DAP: variants seen among roughly 807,000 people sequenced by gnomAD.
DAP encodes the protein death-associated protein 1.
Under a neutral mutation model 13.8 loss-of-function variants are expected in DAP, and 8 were observed. The ratio of observed to expected loss-of-function variants is 0.58; its 90% CI spans 0.34 to 1.05. The LOEUF (loss-of-function observed/expected upper bound fraction) is 1.05, where lower values mean the gene tolerates loss of function less well. Among genes scored for constraint, DAP ranks in the 50% least tolerant of loss-of-function variants. DAP has a pLI of 0.03. For missense variants in DAP, 106 were observed against 133.2 expected (o/e 0.80, Z 1.01); for synonymous variants, 47 against 47.5 (o/e 0.99, Z 0.04).
Position 10,761,177 on chromosome 5 carries a change from A to C in DAP, c.-109T>G, listed in dbSNP as rs938495726. ...CGCCGGGGAGCGAGCGGGCGGGAGA[A>C]CGACGCGCGCGCGTGGGGCGCCGGG... On this transcript the variant is annotated 5_prime_UTR_variant, in exon 1 of 4. Coordinates refer to ENST00000230895, the MANE Select transcript of DAP (RefSeq NM_004394.3). The C allele has an allele frequency of 5.5e-6, 3 of 545,078 alleles. No individual in the cohort carries two copies. Among genetic ancestry groups the C allele is most frequent in the South Asian group, 8.2e-5 (1 of 12,132 alleles). 33.8% of individuals were successfully genotyped at this position (545,078 alleles called of 1,614,324 possible). A position where few individuals can be genotyped will look rare whatever the true frequency, so the allele number is the denominator to read the frequency against.
In DAP at chr5:10,679,520, C is replaced by T. The variant is rs1737927392; in HGVS notation, c.*1536G>A. 1.3e-5 allele frequency: 2 copies of T among 152,422 alleles called. No individual in the cohort carries two copies. Among genetic ancestry groups the T allele is most frequent in the Non-Finnish European group, 2.9e-5 (2 of 68,152 alleles). The allele number at this position is 152,422 out of a possible 1,614,324, so 9.4% of individuals were successfully genotyped here. On this transcript the variant is annotated 3_prime_UTR_variant, in exon 4 of 4. Transcript: ENST00000230895. ...GCGGCATCCCCTCCTGGGTGCTGCT[C>T]CGAAAGGCAGGCTGGGAGGTGCTTG...
At chr5:10,702,710 G>A (rs143094780) in intron 2 of DAP, among the ~76,000 whole-genome samples, 17 of 152,288 alleles carry the variant, frequency 1.1e-4, no homozygotes, top group African/African-American at 3.1e-4. Context: ...CTGAATTAAC[G>A]AATTCAACAG....
In DAP at chr5:10,749,955, C is replaced by G. The variant is rs1197753623; in HGVS notation, c.56-1684G>C. ...AGTGTCTCAGATTCTCAAAGATTCC[C>G]TGCTTCATCTGCAGAAAGGAGATAA... On this transcript the variant is annotated intron_variant, in intron 1 of 3. Coordinates refer to ENST00000230895, the MANE Select transcript of DAP (RefSeq NM_004394.3). Among the ~76,000 whole-genome samples, 4 of 152,066 alleles carry G rather than the reference C, an allele frequency of 2.6e-5. No homozygotes were observed. The South Asian group carries it at 8.3e-4, about 32-fold the overall frequency.
chr5:10,720,358 A>G (rs1739105636), intron 2 of DAP, among the ~76,000 whole-genome samples: 1 of 152,190 alleles, frequency 6.6e-6, no homozygotes, highest in Non-Finnish European at 1.5e-5. Flanking sequence ...ACTTCAAAGA[A>G]GCATGATTGG....
At chr5:10,714,388 C>T (rs1170699814) in intron 2 of DAP, among the ~76,000 whole-genome samples, 3 of 152,068 alleles carry the variant, frequency 2.0e-5, no homozygotes, top group African/African-American at 4.8e-5. Flanking sequence ...CTAGAATTAC[C>T]GTTGACATTC....
At chr5:10,683,499 C>T (rs1738074744) in intron 3 of DAP, 30 bp downstream of exon 3, 1 of 1,612,746 alleles carries the variant, frequency 6.2e-7, no homozygotes, top group African/African-American at 1.3e-5. Flanking sequence ...GCAAAAGCCT[C>T]AAACCCACCG....
intron 1 of DAP, among the ~76,000 whole-genome samples, chr5:10,760,026 G>GT (rs1361372634): frequency 6.6e-6 from 1 of 151,930 alleles, no homozygotes; most frequent in Non-Finnish European, 1.5e-5. Flanking sequence ...AACTGCTGGG[G>GT]TTACAGGCAT....
intron 2 of DAP, among the ~76,000 whole-genome samples, chr5:10,734,539 T>G (rs1304868389): frequency 2.0e-5 from 3 of 152,244 alleles, no homozygotes; most frequent in African/African-American, 7.2e-5. Flanking sequence ...CCTCAAGCCT[T>G]TCTCTGGCAT....
At chr5:10,695,060 G>A (rs1011152598) in intron 2 of DAP, among the ~76,000 whole-genome samples, 1 of 152,126 alleles carries the variant, frequency 6.6e-6, no homozygotes, top group Non-Finnish European at 1.5e-5. Context: ...TAATTTATTT[G>A]GGCTATTAAT....
intron 2 of DAP, among the ~76,000 whole-genome samples, chr5:10,722,032 T>C (rs866991522): frequency 6.6e-6 from 1 of 152,240 alleles, no homozygotes. Context: ...GGTGTAATTA[T>C]GATCTTATTG....
At position 10,687,905 on chromosome 5, in the gene DAP, C is replaced by CTTTTTT. The variant is rs1199947263; in HGVS notation, c.153-4340_153-4335dup. 4.3e-4 allele frequency among the ~76,000 whole-genome samples: 48 copies of CTTTTTT among 110,644 alleles called. 1 individual carries two copies. The highest frequency in any genetic ancestry group is 1.7e-3 in the African/African-American group (43 of 26,018). 72.6% of individuals were successfully genotyped at this position (110,644 alleles called of 152,430 possible). ...TCTATGTCACAAACTTCATTGTTGT[C>CTTTTTT]TTTTTTTTTTTTTTTTTTTTTTTAC... is the stretch of plus-strand genomic sequence containing the variant. On this transcript the variant is annotated intron_variant, in intron 2 of 3. Transcript: ENST00000230895.
chr5:10,760,161 C>G (rs1740303067), intron 1 of DAP, among the ~76,000 whole-genome samples: 1 of 152,210 alleles, frequency 6.6e-6, no homozygotes, highest in South Asian at 2.1e-4. Flanking sequence ...CTAAGGCGTG[C>G]TATTAAGACC....
At chr5:10,752,315 C>G (rs1740066003) in intron 1 of DAP, among the ~76,000 whole-genome samples, 1 of 152,202 alleles carries the variant, frequency 6.6e-6, no homozygotes, top group African/African-American at 2.4e-5. Context: ...TAACTCAAAG[C>G]TGAGACAGAT....
chr5:10,759,723 G>A lies in DAP; in HGVS notation c.55+1291C>T, dbSNP rs541402467. Among the ~76,000 whole-genome samples, 11 of 146,880 alleles carry A rather than the reference G, an allele frequency of 7.5e-5. No individual in the cohort carries two copies. The South Asian group carries it at 2.0e-3, about 26-fold the overall frequency. On this transcript the variant is annotated intron_variant, in intron 1 of 3. Transcript: ENST00000230895. ...AATTCCCGCCCTATAGCGGAGGACA[G>A]CAGAGAAGGATAATGGGAATCTTTT...
intron 2 of DAP, among the ~76,000 whole-genome samples, chr5:10,693,472 C>T (rs1167068589): frequency 2.0e-5 from 3 of 152,154 alleles, no homozygotes; most frequent in African/African-American, 7.2e-5. Context: ...TATCAATCAC[C>T]ACTATGTACT....
intron 2 of DAP, among the ~76,000 whole-genome samples, chr5:10,740,254 AAG>A (rs1191355990): frequency 1.3e-5 from 2 of 152,224 alleles, no homozygotes; most frequent in Non-Finnish European, 1.5e-5. Flanking sequence ...GAGAGGAAAA[AAG>A]AGTCGGCGGC....
At chr5:10,728,534 TCTGAGTTTAA>T (rs1313435383) in intron 2 of DAP, among the ~76,000 whole-genome samples, 7 of 152,236 alleles carry the variant, frequency 4.6e-5, no homozygotes, top group African/African-American at 1.7e-4. Context: ...ACAAGTCAAT[TCTGAGTTTAA>T]GAAATTAAAG....
At chr5:10,700,940 C>G (rs1738562382) in intron 2 of DAP, among the ~76,000 whole-genome samples, 3 of 152,364 alleles carry the variant, frequency 2.0e-5, no homozygotes, top group Non-Finnish European at 2.9e-5. Context: ...ACAGAACTTT[C>G]CCAGAAAATC....
chr5:10,742,404 G>C (rs1161415588), intron 2 of DAP, among the ~76,000 whole-genome samples: 1 of 152,176 alleles, frequency 6.6e-6, no homozygotes, highest in Non-Finnish European at 1.5e-5. Context: ...GCAGGTGCCT[G>C]TAATCCCAGC....
Sources: gnomAD v4.1 joint callset for allele counts (sites outside exome capture counted in the v4.1 genomes callset) on GRCh38, gnomAD v4.1.1 for gene constraint, MANE v1.5 for transcripts, NCBI Gene and HGNC (gene_info 2026-07-23, HGNC 2026-07-21) for gene names.